Variants in SMYD3 observed in about 807,000 individuals in gnomAD.
SMYD3 encodes the protein SET and MYND domain containing 3.
SMYD3 carries 36 observed loss-of-function variants against 57.7 expected under a neutral mutation model. The observed-to-expected ratio is 0.62, with a 90% CI of 0.48 to 0.82. The LOEUF is 0.82. SMYD3 is among the 40% of genes least tolerant of loss of function. The pLI, the probability that SMYD3 is intolerant of heterozygous loss-of-function variation, is 0.00. For synonymous variants in SMYD3, 211 were observed against 195.0 expected, an observed-to-expected ratio of 1.08 and a Z score of -0.68; for missense variants, 515 against 538.8, an observed-to-expected ratio of 0.96 and a Z score of 0.44.
At chr1:246,244,532 C>G (rs748456969) in intron 5 of SMYD3, among the ~76,000 whole-genome samples, 1 of 152,082 alleles carries the variant, frequency 6.6e-6, no homozygotes, top group Non-Finnish European at 1.5e-5. Context: ...TTGTAAATGC[C>G]TTATTAATGG....
intron 4 of SMYD3, among the ~76,000 whole-genome samples, chr1:246,328,178 G>A (rs1227243867): frequency 6.6e-6 from 1 of 151,970 alleles, no homozygotes; most frequent in African/African-American, 2.4e-5. Context: ...TGGACAAAAA[G>A]AGAGACTCCA....
intron 5 of SMYD3, among the ~76,000 whole-genome samples, chr1:246,289,311 T>C (rs2064639697): frequency 6.6e-6 from 1 of 152,162 alleles, no homozygotes; most frequent in South Asian, 2.1e-4. Context: ...AGAGCACAGA[T>C]AGTGTGAAAC....
At chr1:245,835,647 T>C (rs2050070716) in intron 10 of SMYD3, among the ~76,000 whole-genome samples, 1 of 152,182 alleles carries the variant, frequency 6.6e-6, no homozygotes, top group South Asian at 2.1e-4. Context: ...CCGGTCTCGA[T>C]TCTGCACAAG....
intron 11 of SMYD3, 143 bp from the exon 12 acceptor site, chr1:245,749,807 T>C (rs1195419704): frequency 6.7e-6 from 4 of 596,648 alleles, no homozygotes; most frequent in African/African-American, 5.6e-5. Context: ...TACAGCACTG[T>C]GGTTCTCCCA....
intron 1 of SMYD3, among the ~76,000 whole-genome samples, chr1:246,359,094 A>T (rs2065951325): frequency 6.6e-6 from 1 of 152,226 alleles, no homozygotes; most frequent in Non-Finnish European, 1.5e-5. Flanking sequence ...AAGAAGAGAG[A>T]AGATCCAAAT....
At chr1:246,032,495 G>T (rs564636272) in intron 5 of SMYD3, among the ~76,000 whole-genome samples, 24 of 152,194 alleles carry the variant, frequency 1.6e-4, no homozygotes, top group Non-Finnish European at 2.9e-4. Context: ...GACAGAACGG[G>T]ATGGAGAGCT....
intron 5 of SMYD3, among the ~76,000 whole-genome samples, chr1:246,186,309 A>T (rs1201735676): frequency 1.3e-5 from 2 of 152,204 alleles, no homozygotes; most frequent in African/African-American, 4.8e-5. Flanking sequence ...ACTAGTCAAT[A>T]TGCATAGGAA....
chr1:246,258,543 C>T (rs935677590), intron 5 of SMYD3, among the ~76,000 whole-genome samples: 1 of 152,042 alleles, frequency 6.6e-6, no homozygotes, highest in African/African-American at 2.4e-5. Flanking sequence ...TGAAAATAGC[C>T]CCCCCAACTC....
intron 1 of SMYD3, among the ~76,000 whole-genome samples, chr1:246,414,057 G>A (rs2067019418): frequency 6.6e-6 from 1 of 152,158 alleles, no homozygotes; most frequent in Admixed American, 6.5e-5. Flanking sequence ...AAAGAGGGGT[G>A]GTATATAACA....
chr1:245,779,473 A>G (rs2046747090), intron 10 of SMYD3, among the ~76,000 whole-genome samples: 1 of 152,160 alleles, frequency 6.6e-6, no homozygotes, highest in Admixed American at 6.5e-5. Context: ...CTAGTTCTCC[A>G]TCCTCCCTCT....
rs568574876 is a variant in SMYD3, at chr1:245,796,507, G to A, written c.1077-32358C>T. Among the ~76,000 whole-genome samples the A allele has an allele frequency of 3.3e-5, 5 of 152,204 alleles. No individual in the cohort carries two copies. In the East Asian group the frequency reaches 7.7e-4, roughly 24 times the overall value. ...ACTATCTTTTTAGCGGGGATAGCAT[G>A]CTGTAAAGGCAGCATGAATGGGCTA... is the stretch of plus-strand genomic sequence containing the variant. On this transcript the variant is annotated intron_variant, in intron 10 of 11. Transcript: ENST00000490107.
chr1:246,220,672 T>C (rs1246505491), intron 5 of SMYD3, among the ~76,000 whole-genome samples: 1 of 152,122 alleles, frequency 6.6e-6, no homozygotes, highest in Non-Finnish European at 1.5e-5. Context: ...TGGTCACCAG[T>C]GAGGCCCCAT....
intron 10 of SMYD3, among the ~76,000 whole-genome samples, chr1:245,798,305 G>T (rs2047643211): frequency 9.3e-6 from 1 of 107,052 alleles, no homozygotes. Context: ...TTTCCAGTGG[G>T]AGCCAGAGCG....
At chr1:246,237,314 G>A (rs2063529035) in intron 5 of SMYD3, among the ~76,000 whole-genome samples, 1 of 151,882 alleles carries the variant, frequency 6.6e-6, no homozygotes, top group East Asian at 1.9e-4. Flanking sequence ...CCTGACCATC[G>A]CCTCCAACCA....
chr1:246,278,519 A>G (rs10924671), intron 5 of SMYD3, among the ~76,000 whole-genome samples: 57,642 of 151,798 alleles, frequency 0.38, 11,522 homozygotes, highest in East Asian at 0.72. Flanking sequence ...GCCCTACCTG[A>G]GAAGGAACTG....
intron 10 of SMYD3, among the ~76,000 whole-genome samples, chr1:245,827,836 G>C (rs553896721): frequency 5.3e-5 from 8 of 152,278 alleles, no homozygotes; most frequent in Admixed American, 2.6e-4. Context: ...TGTGGTTACA[G>C]AGCTAATTAA....
At chr1:246,471,768 T>C (rs1205101718) in intron 1 of SMYD3, among the ~76,000 whole-genome samples, 1 of 152,220 alleles carries the variant, frequency 6.6e-6, no homozygotes, top group East Asian at 1.9e-4. Flanking sequence ...AAATAGATCA[T>C]TACATTTGCA....
At chr1:246,356,752 G>T (rs202067053) in intron 1 of SMYD3, among the ~76,000 whole-genome samples, 1 of 151,958 alleles carries the variant, frequency 6.6e-6, no homozygotes. Flanking sequence ...AAAGAAAAAA[G>T]AATTTTTAAA....
chr1:246,311,520 C>G (rs909016558), intron 5 of SMYD3, among the ~76,000 whole-genome samples: 6 of 152,272 alleles, frequency 3.9e-5, no homozygotes, highest in African/African-American at 7.2e-5. Context: ...CACTCAGCTA[C>G]TGCTAATGAT....
Sources: gnomAD v4.1 joint callset for allele counts (sites outside exome capture counted in the v4.1 genomes callset) on GRCh38, gnomAD v4.1.1 for gene constraint, MANE v1.5 for transcripts, NCBI Gene and HGNC (gene_info 2026-07-23, HGNC 2026-07-21) for gene names.